NME7: variants seen among roughly 807,000 people sequenced by gnomAD.
The protein encoded by NME7 is NME/NM23 family member 7.
NME7 carries 41 observed loss-of-function variants against 49.1 expected under a neutral mutation model. That is an observed-to-expected ratio of 0.83 (90% CI 0.65 to 1.08). NME7 has a LOEUF of 1.08. Ranked by LOEUF, NME7 falls within the 50% of genes least tolerant of loss-of-function variation. The pLI is 0.00. For synonymous variants in NME7, 139 were observed against 150.6 expected, an observed-to-expected ratio of 0.92 and a Z score of 0.56; for missense variants, 423 against 463.4, an observed-to-expected ratio of 0.91 and a Z score of 0.80.
intron 9 of NME7, among the ~76,000 whole-genome samples, chr1:169,232,607 G>A (rs12118533): frequency 0.012 from 1,863 of 151,944 alleles, 22 homozygotes; most frequent in Middle Eastern, 0.024. Flanking sequence ...AAAAGATAAG[G>A]ATGACAACAA....
At chr1:169,332,375 A>G (rs1652289357) in intron 1 of NME7, among the ~76,000 whole-genome samples, 1 of 152,218 alleles carries the variant, frequency 6.6e-6, no homozygotes, top group South Asian at 2.1e-4. Context: ...TACTACAAGA[A>G]AACATGGGAG....
At chr1:169,300,740 T>C (rs1054430448) in intron 5 of NME7, among the ~76,000 whole-genome samples, 1 of 151,992 alleles carries the variant, frequency 6.6e-6, no homozygotes, top group Non-Finnish European at 1.5e-5. Flanking sequence ...AACAGACACA[T>C]AGATCACTGG....
At chr1:169,340,345 T>C (rs930395621) in intron 1 of NME7, among the ~76,000 whole-genome samples, 9 of 152,210 alleles carry the variant, frequency 5.9e-5, no homozygotes, top group Admixed American at 5.2e-4. Flanking sequence ...CCCTTTTGCC[T>C]ACTGCCATGA....
chr1:169,227,250 C>T (rs910397802), intron 10 of NME7, among the ~76,000 whole-genome samples: 3 of 152,138 alleles, frequency 2.0e-5, no homozygotes, highest in African/African-American at 7.2e-5. Context: ...TTAGTTCCAG[C>T]AGTAATAAAG....
chr1:169,147,564 G>A (rs1658793872), intron 11 of NME7, among the ~76,000 whole-genome samples: 1 of 152,116 alleles, frequency 6.6e-6, no homozygotes, highest in African/African-American at 2.4e-5. Context: ...TTGGCATATG[G>A]CCAGGACTCC....
intron 10 of NME7, among the ~76,000 whole-genome samples, chr1:169,227,203 G>A (rs577534386): frequency 6.6e-5 from 10 of 152,054 alleles, no homozygotes; most frequent in Non-Finnish European, 1.5e-4. Flanking sequence ...AGCTCCTCCC[G>A]AATGACCCCA....
At chr1:169,313,618 T>C (rs1220200047) in intron 3 of NME7, among the ~76,000 whole-genome samples, 4 of 152,092 alleles carry the variant, frequency 2.6e-5, no homozygotes, top group Non-Finnish European at 5.9e-5. Context: ...TATTTACATA[T>C]ATGCAATACA....
intron 11 of NME7, among the ~76,000 whole-genome samples, chr1:169,140,863 A>AC (rs2101809101): frequency 6.6e-6 from 1 of 152,218 alleles, no homozygotes; most frequent in African/African-American, 2.4e-5. Context: ...AGATGCTTAC[A>AC]CCCCCACCCT....
At chr1:169,138,938 T>C (rs1403963865) in intron 11 of NME7, among the ~76,000 whole-genome samples, 1 of 152,204 alleles carries the variant, frequency 6.6e-6, no homozygotes, top group East Asian at 1.9e-4. Context: ...CATAAATTCA[T>C]CATAAAATTG....
intron 5 of NME7, among the ~76,000 whole-genome samples, chr1:169,301,289 G>A (rs564878169): frequency 1.3e-5 from 2 of 152,058 alleles, no homozygotes; most frequent in East Asian, 1.9e-4. Context: ...CTTCTCAAAA[G>A]AACATACAAG....
chr1:169,135,896 C>CT (rs1303673797), intron 11 of NME7, among the ~76,000 whole-genome samples: 51 of 152,032 alleles, frequency 3.4e-4, no homozygotes, highest in Non-Finnish European at 5.4e-4. Flanking sequence ...ACAAAGGCAT[C>CT]CTAGACCCTA....
At chr1:169,139,375 T>C (rs766825047) in intron 11 of NME7, among the ~76,000 whole-genome samples, 11 of 152,234 alleles carry the variant, frequency 7.2e-5, no homozygotes, top group Non-Finnish European at 1.0e-4. Context: ...GAGCTAATAA[T>C]TTGCCTAAAG....
intron 10 of NME7, among the ~76,000 whole-genome samples, chr1:169,214,158 A>G (rs1273396944): frequency 6.6e-6 from 1 of 152,250 alleles, no homozygotes; most frequent in Non-Finnish European, 1.5e-5. Flanking sequence ...GTGCTCTTCA[A>G]GATAAAACGT....
intron 11 of NME7, among the ~76,000 whole-genome samples, chr1:169,166,867 G>C (rs926967257): frequency 1.3e-5 from 2 of 152,172 alleles, no homozygotes; most frequent in Non-Finnish European, 2.9e-5. Context: ...AGCTATGCAG[G>C]AGGCTGAGGC....
intron 7 of NME7, chr1:169,285,183 T>G (rs1328034374): frequency 6.6e-6 from 1 of 152,172 alleles, no homozygotes; most frequent in Non-Finnish European, 1.5e-5. Flanking sequence ...GATACGTATT[T>G]GTGGAGCATA....
chr1:169,246,970 T>TA (rs1254148763), intron 7 of NME7: 4 of 440,466 alleles, frequency 9.1e-6, no homozygotes, highest in Admixed American at 2.7e-5. Flanking sequence ...TAGAAAATAA[T>TA]AAAAACAGGC....
chr1:169,254,815 C>T lies in NME7; in HGVS notation c.755-17128G>A, dbSNP rs12758455. Among the ~76,000 whole-genome samples, 706 of 126,464 alleles carry T rather than the reference C, an allele frequency of 5.6e-3. 18 individuals are homozygous for T. The East Asian group carries it at 0.14, about 25-fold the overall frequency. The allele number at this position is 126,464 out of a possible 152,430, so 83.0% of individuals were successfully genotyped here. A position where few individuals can be genotyped will look rare whatever the true frequency, so the allele number is the denominator to read the frequency against. On this transcript the variant is annotated intron_variant, in intron 7 of 11. Coordinates refer to ENST00000367811, the MANE Select transcript of NME7 (RefSeq NM_013330.5). ...CATCTTTATTTCTGCCTTCATTTCGCTATGTACCCAGTAGTCATTCAGGAG... is the reference window on the plus strand; with the variant it reads ...CATCTTTATTTCTGCCTTCATTTCGTTATGTACCCAGTAGTCATTCAGGAG...
Position 169,297,333 on chromosome 1 carries a change from A to C in NME7, c.648+1223T>G, listed in dbSNP as rs915785035. On this transcript the variant is annotated intron_variant, in intron 6 of 11. Coordinates refer to ENST00000367811, the MANE Select transcript of NME7 (RefSeq NM_013330.5). Reference sequence around the variant, plus strand: ...TCCTTTTAAATGGCAAGTGGAAGATATCAGTCCTTTGTTCAAAACCCTAAA... The same window carrying C: ...TCCTTTTAAATGGCAAGTGGAAGATCTCAGTCCTTTGTTCAAAACCCTAAA... 4.6e-5 allele frequency among the ~76,000 whole-genome samples: 7 copies of C among 152,210 alleles called. No homozygotes were observed. In the East Asian group the frequency reaches 1.2e-3, roughly 25 times the overall value.
chr1:169,250,619 A>G (rs1648525681), intron 7 of NME7, among the ~76,000 whole-genome samples: 1 of 151,932 alleles, frequency 6.6e-6, no homozygotes, highest in Non-Finnish European at 1.5e-5. Context: ...AGCACTATAA[A>G]TTTTCCTTTT....
Sources: gnomAD v4.1 joint callset for allele counts (sites outside exome capture counted in the v4.1 genomes callset) on GRCh38, gnomAD v4.1.1 for gene constraint, MANE v1.5 for transcripts, NCBI Gene and HGNC (gene_info 2026-07-23, HGNC 2026-07-21) for gene names.